The following NOD2 variants were observed in gnomAD, a reference collection of about 807,000 sequenced individuals.
NOD2 encodes the protein nucleotide binding oligomerization domain containing 2, also known as nucleotide-binding oligomerization domain-containing protein 2.
In NOD2, 86 loss-of-function variants were observed where a neutral mutation model predicts 90.9. The observed-to-expected ratio is 0.95, with a 90% CI of 0.79 to 1.13. The LOEUF (loss-of-function observed/expected upper bound fraction) is 1.13. NOD2 is among the 50% of genes most tolerant of loss of function. The probability of loss-of-function intolerance (pLI) is 0.00; values close to 1 mark genes in which losing one functional copy is unlikely to be tolerated. For synonymous variants in NOD2, 581 were observed against 554.6 expected, an observed-to-expected ratio of 1.05 and a Z score of -0.67; for missense variants, 1,238 against 1,283.8, an observed-to-expected ratio of 0.96 and a Z score of 0.55.
Position 50,716,595 on chromosome 16 carries a change from A to G in NOD2, c.2390A>G (p.Asp797Gly), listed in dbSNP as rs778481419. 4 of 1,613,948 alleles carry G rather than the reference A, an allele frequency of 2.5e-6. No individual in the cohort carries two copies. The African/African-American group carries it at 4.0e-5, about 16-fold the overall frequency. ...LGVCKALYLR[D>G]NNISDRGICK... ...TTATTTTGTCTCTTTAGTTTGCGCG[A>G]TAACAATATCTCAGACCGAGGCATC... The change falls in exon 5 of 12, where the codon GAT (aspartate) becomes GGT (glycine). Residue 797 changes from aspartate (D) to glycine (G), a missense_variant. This residue lies in a region of NOD2 where 667 missense variants were observed against 688.7 expected (regional missense o/e 0.97). Transcript: ENST00000647318.
In NOD2 at chr16:50,716,618, A is replaced by T. The variant is rs765335094; in HGVS notation, c.2413A>T (p.Ile805Phe). Residue 805 changes from isoleucine (I) to phenylalanine (F), a missense_variant, in exon 5 of 12, where the codon ATC becomes TTC. This residue lies in a region of NOD2 where 667 missense variants were observed against 688.7 expected (regional missense o/e 0.97). Transcript: ENST00000647318. The part of the protein sequence containing the change: ...LRDNNISDRG[I>F]CKLIECALHC... Reference sequence around the variant, plus strand: ...CGATAACAATATCTCAGACCGAGGCATCTGCAAGCTCATTGAATGTGCTCT... The same window carrying T: ...CGATAACAATATCTCAGACCGAGGCTTCTGCAAGCTCATTGAATGTGCTCT... 3.1e-6 allele frequency: 5 copies of T among 1,614,074 alleles called. No homozygotes were observed. The African/African-American group carries it at 4.0e-5, about 13-fold the overall frequency.
chr16:50,702,216 G>A (rs1015404792), intron 2 of NOD2, among the ~76,000 whole-genome samples: 1 of 152,184 alleles, frequency 6.6e-6, no homozygotes, highest in African/African-American at 2.4e-5. Flanking sequence ...TTACAGGCAT[G>A]AGCCACTGCG....
At chr16:50,697,861 C>T (rs1411226234) in intron 1 of NOD2, 4 of 192,582 alleles carry the variant, frequency 2.1e-5, no homozygotes, top group Non-Finnish European at 3.3e-5. Context: ...CGTATGAGGA[C>T]GGATACAGAG....
chr16:50,720,150 C>A, intron 7 of NOD2, 142 bp downstream of exon 7: 1 of 695,558 alleles, frequency 1.4e-6, no homozygotes. Context: ...AGAGAGTGGG[C>A]GGCCCTTGAC....
At chr16:50,697,164 C>G (rs1402892374) in intron 1 of NOD2, 3 of 1,182,542 alleles carry the variant, frequency 2.5e-6, no homozygotes, top group Non-Finnish European at 3.7e-6. Context: ...CTCACCAGTC[C>G]TGTGCCACTG....
At position 50,729,881 on chromosome 16, in the gene NOD2, T is replaced by G; in HGVS notation, c.2949T>G (p.Asn983Lys). 2 of 1,612,932 alleles carry G rather than the reference T, an allele frequency of 1.2e-6. No individual in the cohort carries two copies. The highest frequency in any genetic ancestry group is 1.7e-6 in the Non-Finnish European group (2 of 1,179,126). Reference sequence around the variant, plus strand: ...CCCTCCTGCAGGCCCTTGAAAGGAATGACACCATCCTGGAAGTCTGGTAAG... The same window carrying G: ...CCCTCCTGCAGGCCCTTGAAAGGAAGGACACCATCCTGGAAGTCTGGTAAG... ...AEALLQALER[N>K]DTILEVWLRG... The change falls in exon 11 of 12, where the codon AAT (asparagine) becomes AAG (lysine). Residue 983 changes from asparagine to lysine, a missense_variant. By Grantham distance (94) the Asn-to-Lys change is moderately conservative. Coordinates refer to ENST00000647318, the MANE Select transcript of NOD2 (RefSeq NM_001370466.1).
chr16:50,695,069 G>A (rs946037355), intron 1 of NOD2, among the ~76,000 whole-genome samples: 1 of 151,548 alleles, frequency 6.6e-6, no homozygotes, highest in African/African-American at 2.4e-5. Context: ...CTCTGAGCAT[G>A]ATGGGAGCAC....
intron 2 of NOD2, among the ~76,000 whole-genome samples, chr16:50,701,918 G>A (rs1319839521): frequency 1.3e-5 from 2 of 152,214 alleles, no homozygotes; most frequent in African/African-American, 4.8e-5. Context: ...GATTAGGAAA[G>A]AAGGAAGGCA....
rs139886679 is a variant in NOD2, at chr16:50,722,697, G to A, written c.2709G>A (p.Arg903=). ...CCTTGGGTGATCACCAGAGCTTGAG[G>A]TGGCTCAGGTAAGCTTCAGAGTCTA... ...AEALGDHQSL[R]WLSLVGNNIG... The change falls in exon 8 of 12, where the codon AGG becomes AGA. Residue 903 remains arginine (R), a synonymous_variant. Transcript: ENST00000647318. The A allele has an allele frequency of 1.2e-6, 2 of 1,614,182 alleles. No individual in the cohort carries two copies. Among genetic ancestry groups the A allele is most frequent in the African/African-American group, 2.7e-5 (2 of 75,054 alleles).
At chr16:50,717,506 G>A (rs1964853405) in intron 6 of NOD2, among the ~76,000 whole-genome samples, 1 of 152,226 alleles carries the variant, frequency 6.6e-6, no homozygotes, top group Middle Eastern at 3.4e-3. Flanking sequence ...CTAGCTGGCC[G>A]CTGGGTTGGC....
intron 9 of NOD2, among the ~76,000 whole-genome samples, chr16:50,724,179 A>G (rs1369845964): frequency 6.6e-6 from 1 of 152,042 alleles, no homozygotes; most frequent in Non-Finnish European, 1.5e-5. Flanking sequence ...TGAATGTTTG[A>G]TTTTCCCGGG....
chr16:50,717,196 C>T (rs574389415), intron 6 of NOD2, among the ~76,000 whole-genome samples: 84 of 152,312 alleles, frequency 5.5e-4, no homozygotes, highest in African/African-American at 1.9e-3. Context: ...ACCTTTAGCC[C>T]GTAGGGCAAG....
intron 3 of NOD2, among the ~76,000 whole-genome samples, chr16:50,708,846 G>A (rs1011262928): frequency 1.3e-5 from 2 of 152,212 alleles, no homozygotes; most frequent in Non-Finnish European, 1.5e-5. Context: ...CGAGTGCACC[G>A]TCTCATTGAA....
chr16:50,712,535 T>C (rs1372692465), intron 4 of NOD2, 162 bp downstream of exon 4: 3 of 829,088 alleles, frequency 3.6e-6, no homozygotes, highest in Non-Finnish European at 5.8e-6. Flanking sequence ...TTAATTTCAA[T>C]ATGTGATGAT....
chr16:50,713,302 A>G (rs1964625168), intron 4 of NOD2: 1 of 152,182 alleles, frequency 6.6e-6, no homozygotes, highest in Admixed American at 6.5e-5. Flanking sequence ...AATTGACCCT[A>G]AGCATGGGAC....
chr16:50,720,489 G>A (rs1474475548), intron 7 of NOD2, among the ~76,000 whole-genome samples: 1 of 152,166 alleles, frequency 6.6e-6, no homozygotes, highest in Admixed American at 6.5e-5. Context: ...AGGCACCCAG[G>A]ATAAGAGGGG....
chr16:50,732,083 CCCT>C lies in NOD2; in HGVS notation c.*270_*272del. The C allele has an allele frequency of 6.0e-6, 3 of 497,726 alleles. No individual in the cohort carries two copies. The East Asian group carries it at 1.2e-4, about 20-fold the overall frequency. 30.8% of individuals were successfully genotyped at this position (497,726 alleles called of 1,614,324 possible). Reference sequence around the variant, plus strand: ...CAATCCCAGGATGTACAAGGACAGCCCCTCCTCCATAGTATGGGACTGGCCTCT... The same window carrying C: ...CAATCCCAGGATGTACAAGGACAGCCCCTCCATAGTATGGGACTGGCCTCT... On this transcript the variant is annotated 3_prime_UTR_variant, in exon 12 of 12. Coordinates refer to ENST00000647318, the MANE Select transcript of NOD2 (RefSeq NM_001370466.1).
At chr16:50,705,114 C>T (rs1190056144) in intron 2 of NOD2, among the ~76,000 whole-genome samples, 1 of 152,056 alleles carries the variant, frequency 6.6e-6, no homozygotes, top group Non-Finnish European at 1.5e-5. Context: ...TCTTTTTGCT[C>T]TACTTTTCTA....
chr16:50,722,315 A>G (rs1965095511), intron 7 of NOD2, among the ~76,000 whole-genome samples: 1 of 152,220 alleles, frequency 6.6e-6, no homozygotes, highest in Non-Finnish European at 1.5e-5. Flanking sequence ...AAAAAGTGTC[A>G]CAACTGTAAA....
Sources: gnomAD v4.1 joint callset for allele counts (sites outside exome capture counted in the v4.1 genomes callset) on GRCh38, gnomAD v4.1.1 for gene constraint, gnomAD v4.1.1 regional missense constraint, MANE v1.5 for transcripts, NCBI Gene and HGNC (gene_info 2026-07-23, HGNC 2026-07-21) for gene names.